The following NIBAN1 variants were observed in gnomAD, a reference collection of about 807,000 sequenced individuals.
The protein encoded by NIBAN1 is protein Niban 1.
NIBAN1 carries 81 observed loss-of-function variants against 75.1 expected under a neutral mutation model. The observed-to-expected ratio is 1.08, with a 90% CI of 0.90 to 1.30. The LOEUF (loss-of-function observed/expected upper bound fraction) is 1.30, where lower values mean the gene tolerates loss of function less well. Among genes scored for constraint, NIBAN1 ranks in the 50% most tolerant of loss-of-function variants. NIBAN1 has a pLI of 0.00. For synonymous variants in NIBAN1, 436 were observed against 424.8 expected (o/e 1.03, Z -0.32); for missense variants, 1,133 against 1,128.1 (o/e 1.00, Z -0.06).
At chr1:184,842,236 G>T (rs1411157697) in intron 5 of NIBAN1, among the ~76,000 whole-genome samples, 1 of 152,220 alleles carries the variant, frequency 6.6e-6, no homozygotes, top group African/African-American at 2.4e-5. Flanking sequence ...CTCTACCCCA[G>T]TGCTTCTCAG....
At chr1:184,885,521 G>A (rs1293063459) in intron 4 of NIBAN1, among the ~76,000 whole-genome samples, 2 of 152,040 alleles carry the variant, frequency 1.3e-5, no homozygotes, top group African/African-American at 2.4e-5. Flanking sequence ...ACCCACAAAC[G>A]GAGCTTCCTC....
At chr1:184,842,830 T>C (rs1166095093) in intron 5 of NIBAN1, among the ~76,000 whole-genome samples, 1 of 151,814 alleles carries the variant, frequency 6.6e-6, no homozygotes, top group Non-Finnish European at 1.5e-5. Context: ...AGACCTGGAA[T>C]TGGATCCAGG....
In NIBAN1 at chr1:184,961,226, G is replaced by A. The variant is rs554486393; in HGVS notation, c.55+13076C>T. ...TGGGACTACAGGCGCCTGCCGCCACGCCTGGCTAATTTTTTTGTATTTTTA... is the reference window on the plus strand; with the variant it reads ...TGGGACTACAGGCGCCTGCCGCCACACCTGGCTAATTTTTTTGTATTTTTA... On this transcript the variant is annotated intron_variant, in intron 1 of 13. Transcript: ENST00000367511. 1.1e-3 allele frequency among the ~76,000 whole-genome samples: 174 copies of A among 151,614 alleles called. 1 individual carries two copies. The highest frequency in any genetic ancestry group is 1.9e-3 in the Non-Finnish European group (129 of 67,858).
intron 5 of NIBAN1, among the ~76,000 whole-genome samples, chr1:184,881,573 C>T (rs1656380429): frequency 6.6e-6 from 1 of 152,252 alleles, no homozygotes; most frequent in African/African-American, 2.4e-5. Flanking sequence ...GTGCACAGTG[C>T]AAAGGGAAAG....
chr1:184,856,756 A>G (rs1322965372), intron 5 of NIBAN1, among the ~76,000 whole-genome samples: 2 of 152,206 alleles, frequency 1.3e-5, no homozygotes, highest in African/African-American at 4.8e-5. Context: ...CCTGTTCCCC[A>G]TTGGATCCCC....
chr1:184,957,110 T>C (rs1246751669), intron 1 of NIBAN1, among the ~76,000 whole-genome samples: 1 of 152,226 alleles, frequency 6.6e-6, no homozygotes, highest in East Asian at 1.9e-4. Flanking sequence ...TTTCAAGCTA[T>C]CAATGTGATA....
At chr1:184,823,016 T>C (rs944904087) in intron 8 of NIBAN1, 151 bp downstream of exon 8, 3 of 891,080 alleles carry the variant, frequency 3.4e-6, no homozygotes, top group Non-Finnish European at 3.3e-6. Context: ...CCCCTAATGG[T>C]ACCTCCAGCA....
In NIBAN1 at chr1:184,841,308, G is replaced by T. The variant is rs904755495; in HGVS notation, c.602-9346C>A. Among the ~76,000 whole-genome samples the T allele has an allele frequency of 9.2e-5, 14 of 152,248 alleles. No homozygotes were observed. The East Asian group carries it at 1.5e-3, about 17-fold the overall frequency. ...GGGGTTTCATTTAGTTGCAAGCTCAGTGCAAGTCAGTCAGGGGTGTGATAC... is the reference window on the plus strand; with the variant it reads ...GGGGTTTCATTTAGTTGCAAGCTCATTGCAAGTCAGTCAGGGGTGTGATAC... On this transcript the variant is annotated intron_variant, in intron 5 of 13. Transcript: ENST00000367511.
chr1:184,846,123 C>T (rs1305955302), intron 5 of NIBAN1, among the ~76,000 whole-genome samples: 1 of 67,494 alleles, frequency 1.5e-5, no homozygotes, highest in Non-Finnish European at 2.9e-5. Flanking sequence ...GAGCCCACCA[C>T]AGCTCAAGGA....
At chr1:184,805,267 A>G (rs557923727) in intron 11 of NIBAN1, among the ~76,000 whole-genome samples, 2 of 152,330 alleles carry the variant, frequency 1.3e-5, no homozygotes, top group East Asian at 3.9e-4. Flanking sequence ...GACTAGGTGT[A>G]TGATCGTTTA....
chr1:184,945,243 C>A (rs1181114876), intron 1 of NIBAN1, among the ~76,000 whole-genome samples: 1 of 152,150 alleles, frequency 6.6e-6, no homozygotes, highest in Non-Finnish European at 1.5e-5. Flanking sequence ...TGGAGAGATA[C>A]CAGCTAGTGA....
chr1:184,892,916 C>T (rs974362645), intron 3 of NIBAN1, among the ~76,000 whole-genome samples: 3 of 152,068 alleles, frequency 2.0e-5, no homozygotes, highest in African/African-American at 7.2e-5. Flanking sequence ...AGACTACAGG[C>T]ATGCACCAGC....
At chr1:184,808,377 C>T in intron 9 of NIBAN1, 142 bp from the exon 10 acceptor site, 2 of 814,148 alleles carry the variant, frequency 2.5e-6, no homozygotes, top group Non-Finnish European at 3.7e-6. Context: ...ATCTGTGACA[C>T]CTTCAACTGT....
rs148381750 is a variant in NIBAN1, at chr1:184,972,059, T to C, written c.55+2243A>G. 2.8e-3 allele frequency among the ~76,000 whole-genome samples: 426 copies of C among 152,334 alleles called. 9 individuals are homozygous for C. The highest frequency in any genetic ancestry group is 0.027 in the South Asian group (132 of 4,828). ...AAAGGCTGATTCAGCGTCAGTAGCA[T>C]ACAGCGGTTTATGATGCATACAAAA... On this transcript the variant is annotated intron_variant, in intron 1 of 13. Coordinates refer to ENST00000367511, the MANE Select transcript of NIBAN1 (RefSeq NM_052966.4).
rs16823633 is a variant in NIBAN1, at chr1:184,863,416, A to G, written c.601+21217T>C. On this transcript the variant is annotated intron_variant, in intron 5 of 13. Coordinates refer to ENST00000367511, the MANE Select transcript of NIBAN1 (RefSeq NM_052966.4). ...TCAGAAGATGCATGTAATAGATGCCACCTGGGGACTTTAACTGAGTTCAAA... is the reference window on the plus strand; with the variant it reads ...TCAGAAGATGCATGTAATAGATGCCGCCTGGGGACTTTAACTGAGTTCAAA... Among the ~76,000 whole-genome samples the G allele has an allele frequency of 5.2e-3, 786 of 152,314 alleles. 22 individuals carry two copies. The East Asian group carries it at 0.087, about 17-fold the overall frequency.
intron 3 of NIBAN1, among the ~76,000 whole-genome samples, chr1:184,893,552 C>T (rs970720250): frequency 1.3e-5 from 2 of 152,108 alleles, no homozygotes; most frequent in African/African-American, 4.8e-5. Flanking sequence ...GTATGTGAGG[C>T]ATTCTGAATT....
chr1:184,901,421 G>T (rs564751645), intron 1 of NIBAN1, among the ~76,000 whole-genome samples: 1 of 152,084 alleles, frequency 6.6e-6, no homozygotes, highest in Non-Finnish European at 1.5e-5. Context: ...TCATCTAATT[G>T]GTTATTATGC....
intron 1 of NIBAN1, among the ~76,000 whole-genome samples, chr1:184,937,394 C>A (rs1157894440): frequency 6.6e-6 from 1 of 152,128 alleles, no homozygotes; most frequent in East Asian, 1.9e-4. Context: ...TATTGTCCCA[C>A]TAGAACCCTT....
At chr1:184,833,614 A>G (rs1655055552) in intron 5 of NIBAN1, among the ~76,000 whole-genome samples, 1 of 152,114 alleles carries the variant, frequency 6.6e-6, no homozygotes, top group African/African-American at 2.4e-5. Context: ...AGGCAGGAGG[A>G]TCACTTGAAC....
Sources: gnomAD v4.1 joint callset for allele counts (sites outside exome capture counted in the v4.1 genomes callset) on GRCh38, gnomAD v4.1.1 for gene constraint, MANE v1.5 for transcripts, NCBI Gene and HGNC (gene_info 2026-07-23, HGNC 2026-07-21) for gene names.